NEK9: variants seen among roughly 807,000 people sequenced by gnomAD.
NEK9 encodes serine/threonine-protein kinase Nek9.
NEK9 carries 75 observed loss-of-function variants against 123.4 expected under a neutral mutation model. That is an observed-to-expected ratio of 0.61 (90% CI 0.50 to 0.74). The LOEUF is 0.74. Among genes scored for constraint, NEK9 ranks in the 30% least tolerant of loss-of-function variants. NEK9 has a pLI of 0.00. For synonymous variants in NEK9, 438 were observed against 458.7 expected (o/e 0.95, Z 0.58); for missense variants, 952 against 1,214.4 (o/e 0.78, Z 3.21).
At chr14:75,095,622 A>C (rs1437532493) in intron 17 of NEK9, among the ~76,000 whole-genome samples, 191 bp from the exon 18 acceptor site, 1 of 152,244 alleles carries the variant, frequency 6.6e-6, no homozygotes, top group African/African-American at 2.4e-5. Flanking sequence ...TATCTACATT[A>C]GCAACTGTCT....
chr14:75,095,395 C>G lies in NEK9; in HGVS notation c.2210G>C (p.Ser737Thr). 3.1e-6 allele frequency: 5 copies of G among 1,613,384 alleles called. No homozygotes were observed. Among genetic ancestry groups the G allele is most frequent in the Non-Finnish European group, 4.2e-6 (5 of 1,179,542 alleles). The change falls in exon 18 of 22, where the codon AGC (serine) becomes ACC (threonine). Residue 737 changes from serine (S) to threonine (T), a missense_variant. Around this residue, in one of 4 missense-constraint regions of NEK9, gnomAD observed 698 missense variants for 875.6 expected, o/e 0.80. Coordinates refer to ENST00000238616, the MANE Select transcript of NEK9 (RefSeq NM_033116.6). ...ACCAGTTCCAATGGATAAGCCACTG[C>G]TATTGGAACGGATGGTCTTAGAATT... ...VLNSKTIRSN[S>T]SGLSIGTVFQ...
At chr14:75,115,505 T>C (rs925810119) in intron 6 of NEK9, among the ~76,000 whole-genome samples, 2 of 152,238 alleles carry the variant, frequency 1.3e-5, no homozygotes, top group Non-Finnish European at 2.9e-5. Flanking sequence ...GAAAAATGAA[T>C]AGGTCTTATG....
chr14:75,091,543 C>A, intron 18 of NEK9, 65 bp from the exon 19 acceptor site: 1 of 1,356,688 alleles, frequency 7.4e-7, no homozygotes, highest in East Asian at 2.6e-5. Flanking sequence ...TACCATTTGA[C>A]AACCCTACTT....
chr14:75,105,936 G>C lies in NEK9; in HGVS notation c.1575+14C>G, dbSNP rs772441381. On this transcript the variant is annotated intron_variant, in intron 13 of 21. Transcript: ENST00000238616. ...TTAAGATAGGTTTTAGAAATAAGTT[G>C]CTTCTGATTTTACCTTTTGTGGTGT... The C allele has an allele frequency of 1.9e-6, 3 of 1,605,944 alleles. No homozygotes were observed. Among genetic ancestry groups the C allele is most frequent in the Non-Finnish European group, 2.6e-6 (3 of 1,172,632 alleles).
rs1894354521 is a variant in NEK9 at position 75,095,520 on chromosome 14, C to G, written c.2174-89G>C. The stretch of plus-strand genomic sequence containing the variant: ...ACTAGGATAGGGAGATAATTGCTCT[C>G]CTTGACTCCAGATAACTTTAGAACT... On this transcript the variant is annotated intron_variant, in intron 17 of 21. Coordinates refer to ENST00000238616, the MANE Select transcript of NEK9 (RefSeq NM_033116.6). 26 of 784,864 alleles carry G rather than the reference C, an allele frequency of 3.3e-5. No individual in the cohort carries two copies. In the South Asian group the frequency reaches 4.4e-4, roughly 13 times the overall value. The allele number at this position is 784,864 out of a possible 1,614,324, so 48.6% of individuals were successfully genotyped here.
intron 10 of NEK9, 89 bp from the exon 11 acceptor site, chr14:75,107,576 C>T: frequency 8.6e-7 from 1 of 1,161,154 alleles, no homozygotes; most frequent in South Asian, 1.7e-5. Flanking sequence ...GCTATGTTGC[C>T]CAAGCTGGTC....
Position 75,100,083 on chromosome 14 carries a change from C to T in NEK9, c.2002+909G>A, listed in dbSNP as rs182673239. Among the ~76,000 whole-genome samples the T allele has an allele frequency of 1.1e-3, 134 of 125,302 alleles. 1 individual carries two copies. The Admixed American group carries it at 0.012, about 12-fold the overall frequency. The allele number at this position is 125,302 out of a possible 152,430, so 82.2% of individuals were successfully genotyped here. On this transcript the variant is annotated intron_variant, in intron 16 of 21. Transcript: ENST00000238616. ...GGTGGAGGTTGCAGTGAGCCAAGATCGCGCCATTGTACTCTAGGCTGGGCA... is the reference window on the plus strand; with the variant it reads ...GGTGGAGGTTGCAGTGAGCCAAGATTGCGCCATTGTACTCTAGGCTGGGCA...
chr14:75,088,571 G>A lies in NEK9; in HGVS notation c.2513C>T (p.Ser838Phe). Reference sequence around the variant, plus strand: ...TTCATAGGGCAGGGTATCTTTCTCAGATTCTGAAAACGCTGCACTGAGAGG... The same window carrying A: ...TTCATAGGGCAGGGTATCTTTCTCAAATTCTGAAAACGCTGCACTGAGAGG... ...PSPLSAAFSE[S>F]EKDTLPYEEL... The change falls in exon 20 of 22, where the codon TCT becomes TTT. Residue 838 changes from serine (S) to phenylalanine (F), a missense_variant. Physicochemically the swap from Ser to Phe is radical, Grantham distance 155. Coordinates refer to ENST00000238616, the MANE Select transcript of NEK9 (RefSeq NM_033116.6). 6.2e-7 allele frequency: 1 copy of A among 1,614,078 alleles called. No individual in the cohort carries two copies. The highest frequency in any genetic ancestry group is 8.5e-7 in the Non-Finnish European group (1 of 1,180,006).
intron 13 of NEK9, 145 bp from the exon 14 acceptor site, chr14:75,104,142 C>T (rs1894687500): frequency 1.2e-6 from 1 of 816,586 alleles, no homozygotes; most frequent in Non-Finnish European, 1.8e-6. Flanking sequence ...TTCAGGTTTG[C>T]CCAGTGTCTT....
intron 3 of NEK9, 107 bp downstream of exon 3, chr14:75,121,012 A>G (rs1214224139): frequency 1.1e-6 from 1 of 938,124 alleles, no homozygotes; most frequent in Admixed American, 1.8e-5. Flanking sequence ...AGGAGTCTGA[A>G]CAAAAGGAAA....
chr14:75,105,833 AC>A (rs1894752249), intron 13 of NEK9, 116 bp downstream of exon 13: 1 of 789,142 alleles, frequency 1.3e-6, no homozygotes, highest in Admixed American at 2.5e-5. Flanking sequence ...AGTCTCCCAA[AC>A]AGGAAACACT....
chr14:75,088,780 A>T, intron 19 of NEK9, 139 bp from the exon 20 acceptor site: 2 of 686,872 alleles, frequency 2.9e-6, no homozygotes, highest in Non-Finnish European at 4.7e-6. Flanking sequence ...TTAACAACAT[A>T]TCACAGCCTA....
chr14:75,086,904 CA>C lies in NEK9; in HGVS notation c.2817+113del, dbSNP rs1016548792. On this transcript the variant is annotated intron_variant, in intron 21 of 21. Transcript: ENST00000238616. The stretch of plus-strand genomic sequence containing the variant: ...CTGGCAACAGAGCGAGACTCCGTCT[CA>C]AAAAAAAAGTAAGGACCTGCAAAGG... 6.9e-4 allele frequency: 764 copies of C among 1,113,686 alleles called. 1 individual carries two copies. The highest frequency in any genetic ancestry group is 8.3e-4 in the Non-Finnish European group (630 of 757,996). 69.0% of individuals were successfully genotyped at this position (1,113,686 alleles called of 1,614,324 possible). A position where few individuals can be genotyped will look rare whatever the true frequency, so the allele number is the denominator to read the frequency against.
Position 75,101,884 on chromosome 14 carries a change from A to G in NEK9, c.1732-119T>C. ...GCCTTTCAAGTAAGTTATATTACTA[A>G]GAAGAGGGTGCCAGGTAGTTTTCCA... On this transcript the variant is annotated intron_variant, in intron 14 of 21. Transcript: ENST00000238616. 4.6e-6 allele frequency: 3 copies of G among 646,984 alleles called. No homozygotes were observed. In the South Asian group the frequency reaches 5.9e-5, roughly 13 times the overall value. 40.1% of individuals were successfully genotyped at this position (646,984 alleles called of 1,614,324 possible). A position where few individuals can be genotyped will look rare whatever the true frequency, so the allele number is the denominator to read the frequency against.
intron 1 of NEK9, 141 bp from the exon 2 acceptor site, chr14:75,124,364 T>C (rs1174319142): frequency 1.5e-6 from 1 of 650,516 alleles, no homozygotes; most frequent in Non-Finnish European, 2.6e-6. Context: ...TAACAGACTT[T>C]AAAGGTTATG....
chr14:75,101,801 G>T (rs1347938272), intron 14 of NEK9, 36 bp from the exon 15 acceptor site: 2 of 1,472,222 alleles, frequency 1.4e-6, no homozygotes, highest in East Asian at 4.5e-5. Context: ...GATGCATGAG[G>T]TAAGAAAATC....
At chr14:75,086,831 G>A (rs1203077394) in intron 21 of NEK9, 187 bp downstream of exon 21, 15 of 566,142 alleles carry the variant, frequency 2.6e-5, no homozygotes, top group South Asian at 1.6e-4. Context: ...GCTTGAATCC[G>A]GGAGGCGGAG....
At chr14:75,100,340 G>A (rs1176913082) in intron 16 of NEK9, among the ~76,000 whole-genome samples, 1 of 151,964 alleles carries the variant, frequency 6.6e-6, no homozygotes, top group East Asian at 1.9e-4. Flanking sequence ...CAGCTACTCG[G>A]GAGGCTGAGG....
Position 75,097,125 on chromosome 14 carries a change from A to C in NEK9, c.2148T>G (p.Arg716=). The C allele has an allele frequency of 6.2e-7, 1 of 1,610,576 alleles. No individual in the cohort carries two copies. Among genetic ancestry groups the C allele is most frequent in the Non-Finnish European group, 8.5e-7 (1 of 1,178,392 alleles). ...SLHHVPDLSC[R]GWHTILIVEK... is the part of the protein sequence containing the mutation. Reference sequence around the variant, plus strand: ...CAACGATGAGAATGGTATGCCATCCACGGCAAGACAGGTCCGGGACATGAT... The same window carrying C: ...CAACGATGAGAATGGTATGCCATCCCCGGCAAGACAGGTCCGGGACATGAT... The change falls in exon 17 of 22, where the codon CGT becomes CGG. Residue 716 remains arginine (R), a synonymous_variant. Transcript: ENST00000238616.
Sources: allele counts gnomAD v4.1 joint callset (sites outside exome capture counted in the v4.1 genomes callset), GRCh38; gene constraint gnomAD v4.1.1; regional missense constraint gnomAD v4.1.1; transcripts MANE v1.5; gene names NCBI Gene and HGNC (gene_info 2026-07-23, HGNC 2026-07-21).